The following OSMR variants were observed in gnomAD, a reference collection of about 807,000 sequenced individuals.
OSMR encodes oncostatin-M-specific receptor subunit beta.
In OSMR, 81 loss-of-function variants were observed where a neutral mutation model predicts 99.9. The observed-to-expected ratio is 0.81, with a 90% confidence interval of 0.68 to 0.97. The LOEUF (loss-of-function observed/expected upper bound fraction) is 0.97, where lower values mean the gene tolerates loss of function less well. Among genes scored for constraint, OSMR ranks in the 50% least tolerant of loss-of-function variants. The pLI, the probability that OSMR is intolerant of heterozygous loss-of-function variation, is 0.00. For synonymous variants in OSMR, 406 were observed against 410.4 expected (o/e 0.99, Z 0.13); for missense variants, 1,099 against 1,153.4 (o/e 0.95, Z 0.68).
At chr5:38,885,608 C>G (rs77420633) in intron 6 of OSMR, 124 bp downstream of exon 6, 4 of 1,296,934 alleles carry the variant, frequency 3.1e-6, no homozygotes, top group Non-Finnish European at 4.4e-6. Context: ...AACCACCTGC[C>G]AAGGTCAAGA....
At chr5:38,944,310 C>T in exon 2 of OSMR, 1 of 853,702 alleles carries the variant, frequency 1.2e-6, no homozygotes, top group Non-Finnish European at 2.0e-6. Flanking sequence ...GAAAATCTAG[C>T]CTCACACAGG....
downstream of OSMR, chr5:38,940,080 G>T (rs557205616): frequency 1.5e-5 from 3 of 202,592 alleles, no homozygotes; most frequent in Admixed American, 6.6e-5. Context: ...CAAAGTAAGT[G>T]ATATAGGCAG....
intron 1 of OSMR, among the ~76,000 whole-genome samples, chr5:38,859,300 G>A (rs1174389797): frequency 6.6e-6 from 1 of 152,114 alleles, no homozygotes; most frequent in Non-Finnish European, 1.5e-5. Flanking sequence ...TAGGAATCTA[G>A]TTTCATTCTA....
chr5:38,882,677 A>T (rs1413611540), intron 4 of OSMR, among the ~76,000 whole-genome samples: 2 of 152,240 alleles, frequency 1.3e-5, no homozygotes, highest in East Asian at 3.8e-4. Flanking sequence ...TGGAAAAATG[A>T]AAGTGGTGTG....
chr5:38,885,754 G>T (rs1014945847), intron 6 of OSMR: 1 of 540,120 alleles, frequency 1.9e-6, no homozygotes. Context: ...GATAATCTGG[G>T]TTTACCCAAT....
At chr5:38,942,427 TATAAC>T (rs770385545) in intron 1 of OSMR, 15 of 1,057,880 alleles carry the variant, frequency 1.4e-5, no homozygotes, top group African/African-American at 8.0e-5. Context: ...AAACAGATGA[TATAAC>T]ATATTTATAT....
chr5:38,862,359 A>G (rs1331327864), intron 1 of OSMR, among the ~76,000 whole-genome samples: 1 of 86,082 alleles, frequency 1.2e-5, no homozygotes, highest in African/African-American at 4.9e-5. Flanking sequence ...ACTTCCCAGT[A>G]GGGGCGGCCG....
Position 38,942,271 on chromosome 5 carries a change from T to C in OSMR, c.75-1930T>C, listed in dbSNP as rs559015751. 1.1e-4 allele frequency: 144 copies of C among 1,260,956 alleles called. 3 individuals carry two copies. The South Asian group carries it at 1.9e-3, about 17-fold the overall frequency. The allele number at this position is 1,260,956 out of a possible 1,614,324, so 78.1% of individuals were successfully genotyped here. A position where few individuals can be genotyped will look rare whatever the true frequency, so the allele number is the denominator to read the frequency against. On this transcript the variant is annotated intron_variant and NMD_transcript_variant, in intron 1 of 2. Transcript: ENST00000508882. The stretch of plus-strand genomic sequence containing the variant: ...GGAAATCCACAAATATGAATATATA[T>C]AGTATGTATCTATATCCATCATAAA...
chr5:38,907,819 C>G (rs1579761175), intron 9 of OSMR, among the ~76,000 whole-genome samples: 1 of 152,212 alleles, frequency 6.6e-6, no homozygotes, highest in East Asian at 1.9e-4. Context: ...GTCACCCCAC[C>G]ACCACTTTGC....
At chr5:38,919,455 C>G in intron 11 of OSMR, 4 of 806,026 alleles carry the variant, frequency 5.0e-6, no homozygotes, top group Non-Finnish European at 6.9e-6. Context: ...AGTCTTTGCA[C>G]CTGGAAAGAG....
chr5:38,857,348 G>C lies in OSMR; in HGVS notation c.-14+10961G>C, dbSNP rs551206371. On this transcript the variant is annotated intron_variant, in intron 1 of 17. Coordinates refer to ENST00000274276, the MANE Select transcript of OSMR (RefSeq NM_003999.3). ...AAGAGGATGATATACTAAGCCCACAGAATATAAGGGATATTTTAAATTTCA... is the reference window on the plus strand; with the variant it reads ...AAGAGGATGATATACTAAGCCCACACAATATAAGGGATATTTTAAATTTCA... 1.2e-4 allele frequency among the ~76,000 whole-genome samples: 19 copies of C among 152,272 alleles called. No homozygotes were observed. The Middle Eastern group carries it at 0.01, about 82-fold the overall frequency.
At chr5:38,942,920 C>T in intron 1 of OSMR, 1 of 1,607,504 alleles carries the variant, frequency 6.2e-7, no homozygotes, top group Non-Finnish European at 8.5e-7. Context: ...AATGGGAAAC[C>T]TCAGAGTAAA....
chr5:38,913,171 T>C (rs1197196070), intron 9 of OSMR, among the ~76,000 whole-genome samples: 2 of 152,106 alleles, frequency 1.3e-5, no homozygotes, highest in African/African-American at 4.8e-5. Context: ...ATTTGTAAAC[T>C]ATGCACCTGA....
chr5:38,931,836 A>C, intron 15 of OSMR, 47 bp from the exon 16 acceptor site: 1 of 1,586,536 alleles, frequency 6.3e-7, no homozygotes, highest in South Asian at 1.1e-5. Context: ...CCTTTGAGGA[A>C]GGGAAAAGTA....
rs1345978814 is a variant in OSMR, at chr5:38,932,884, C to T, written c.2380C>T (p.Leu794=). 2.5e-6 allele frequency: 4 copies of T among 1,613,862 alleles called. No individual in the cohort carries two copies. The South Asian group carries it at 4.4e-5, about 18-fold the overall frequency. The change falls in exon 18 of 18, where the codon CTA becomes TTA. Residue 794 remains leucine (L), a synonymous_variant. Coordinates refer to ENST00000274276, the MANE Select transcript of OSMR (RefSeq NM_003999.3). The part of the protein sequence containing the change: ...SLIKFKENPH[L]IIMNVSDCIP... The stretch of plus-strand genomic sequence containing the variant: ...GTTTCCTTTCTAGGAGAACCCTCAC[C>T]TAATAATAATGAATGTCAGTGACTG...
chr5:38,864,294 T>C (rs947757132), intron 1 of OSMR, among the ~76,000 whole-genome samples: 1 of 152,158 alleles, frequency 6.6e-6, no homozygotes, highest in African/African-American at 2.4e-5. Context: ...TTTTCTGCAG[T>C]GGATATATCT....
chr5:38,898,715 AT>A (rs1200186160), intron 7 of OSMR, among the ~76,000 whole-genome samples: 1 of 150,080 alleles, frequency 6.7e-6, no homozygotes, highest in Non-Finnish European at 1.5e-5. Flanking sequence ...AGTGCAGGTG[AT>A]TTTTCTCTGG....
chr5:38,896,408 A>G (rs1042719054), intron 7 of OSMR, among the ~76,000 whole-genome samples: 1 of 151,984 alleles, frequency 6.6e-6, no homozygotes, highest in Non-Finnish European at 1.5e-5. Flanking sequence ...ACTTGTTGCT[A>G]TTGTAAATGG....
At chr5:38,942,931 G>T (rs2112785407) in intron 1 of OSMR, 1 of 1,606,374 alleles carries the variant, frequency 6.2e-7, no homozygotes, top group Non-Finnish European at 8.5e-7. Context: ...TCAGAGTAAA[G>T]GCATATGTCA....
Sources: gnomAD v4.1 joint callset for allele counts (sites outside exome capture counted in the v4.1 genomes callset) on GRCh38, gnomAD v4.1.1 for gene constraint, MANE v1.5 for transcripts, NCBI Gene and HGNC (gene_info 2026-07-23, HGNC 2026-07-21) for gene names.